The following MARCHF10 variants were observed in gnomAD, a reference collection of about 807,000 sequenced individuals.
MARCHF10 encodes the protein probable E3 ubiquitin-protein ligase MARCHF10.
In MARCHF10, 64 loss-of-function variants were observed where a neutral mutation model predicts 76.2. The ratio of observed to expected loss-of-function variants is 0.84; its 90% confidence interval spans 0.69 to 1.03. MARCHF10 has a LOEUF of 1.03. MARCHF10 is among the 50% of genes least tolerant of loss of function. MARCHF10 has a pLI of 0.00. For synonymous variants in MARCHF10, 340 were observed against 357.5 expected (o/e 0.95, Z 0.55); for missense variants, 875 against 958.0 (o/e 0.91, Z 1.14).
chr17:62,736,199 G>GA lies in MARCHF10; in HGVS notation c.1668dup (p.Pro557SerfsTer58). Reference sequence around the variant, plus strand: ...TTTAGTAAGAGATCTGTATATAGTGGAGCCCCCTGAGGCTGGCTTGTTAAA... The same window carrying GA: ...TTTAGTAAGAGATCTGTATATAGTGGAAGCCCCCTGAGGCTGGCTTGTTAAA... On this transcript the variant is annotated frameshift_variant, in exon 6 of 11. Transcript: ENST00000311269. LOFTEE classifies it high-confidence loss of function. The GA allele has an allele frequency of 6.2e-7, 1 of 1,614,190 alleles. No individual in the cohort carries two copies. Among genetic ancestry groups the GA allele is most frequent in the Non-Finnish European group, 8.5e-7 (1 of 1,180,032 alleles).
chr17:62,805,280 C>T (rs549676928), intron 1 of MARCHF10, among the ~76,000 whole-genome samples: 2 of 152,278 alleles, frequency 1.3e-5, no homozygotes, highest in African/African-American at 4.8e-5. Flanking sequence ...AATGAAGTTA[C>T]CTTTGCACTC....
chr17:62,717,221 G>A (rs1478553449), intron 8 of MARCHF10, among the ~76,000 whole-genome samples: 2 of 152,210 alleles, frequency 1.3e-5, no homozygotes, highest in African/African-American at 4.8e-5. Flanking sequence ...AGCAGGTCAT[G>A]GGGACAGTCA....
chr17:62,755,207 A>G (rs143332424), intron 4 of MARCHF10, among the ~76,000 whole-genome samples: 1 of 152,328 alleles, frequency 6.6e-6, no homozygotes, highest in East Asian at 1.9e-4. Context: ...ACAGGACTCC[A>G]TCCAGATCTG....
chr17:62,758,249 A>C (rs1415096212), intron 4 of MARCHF10, among the ~76,000 whole-genome samples: 7 of 152,126 alleles, frequency 4.6e-5, no homozygotes, highest in Admixed American at 1.3e-4. Flanking sequence ...AAAATACAAA[A>C]ATTACCCGGA....
chr17:62,793,829 TCAC>T (rs999480851), intron 2 of MARCHF10, among the ~76,000 whole-genome samples: 8 of 115,736 alleles, frequency 6.9e-5, no homozygotes, highest in Admixed American at 8.7e-5. Context: ...AACACCTCCA[TCAC>T]CACCAACACC....
At chr17:62,769,318 G>GT (rs1274663578) in intron 3 of MARCHF10, among the ~76,000 whole-genome samples, 12 of 152,308 alleles carry the variant, frequency 7.9e-5, no homozygotes, top group Non-Finnish European at 1.5e-4. Flanking sequence ...TCCCTAAGTA[G>GT]TATTTTACCC....
chr17:62,722,277 C>CAAAAAAAAAAAAA (rs57370093), intron 8 of MARCHF10, among the ~76,000 whole-genome samples: 1 of 78,962 alleles, frequency 1.3e-5, no homozygotes. Flanking sequence ...GACTCTGTCT[C>CAAAAAAAAAAAAA]AAAAAAAAAA....
intron 4 of MARCHF10, among the ~76,000 whole-genome samples, chr17:62,746,287 G>A (rs576656458): frequency 1.3e-5 from 2 of 152,304 alleles, no homozygotes; most frequent in South Asian, 2.1e-4. Context: ...TGGTGGTGTC[G>A]GAGCAACTTG....
At chr17:62,747,011 A>C (rs555649563) in intron 4 of MARCHF10, 9 of 1,476,704 alleles carry the variant, frequency 6.1e-6, no homozygotes, top group Non-Finnish European at 8.2e-6. Flanking sequence ...CAGCGTTTTT[A>C]AAAAATGGCC....
At position 62,701,718 on chromosome 17, in the gene MARCHF10, T is replaced by C. The variant is rs1388027917; in HGVS notation, c.2412A>G (p.Gln804=). ...LGDGNEGSIS[Q]SQVV ...GGCTTCCTTGCTAGACGACCTGGCT[T>C]TGAGAAATGCTGCCTTCATTTCCAT... The change falls in exon 11 of 11, where the codon CAA becomes CAG. Residue 804 remains glutamine, a synonymous_variant. Coordinates refer to ENST00000311269, the MANE Select transcript of MARCHF10 (RefSeq NM_152598.4). 5.0e-6 allele frequency: 8 copies of C among 1,614,024 alleles called. No homozygotes were observed. In the Admixed American group the frequency reaches 1.3e-4, roughly 27 times the overall value.
chr17:62,725,608 C>T (rs190618120), intron 6 of MARCHF10, among the ~76,000 whole-genome samples: 7 of 152,290 alleles, frequency 4.6e-5, no homozygotes, highest in South Asian at 2.1e-4. Context: ...ATTGTCAATA[C>T]GTGTGAGCTG....
chr17:62,779,433 T>C (rs1297573496), intron 3 of MARCHF10, among the ~76,000 whole-genome samples: 1 of 152,144 alleles, frequency 6.6e-6, no homozygotes, highest in Non-Finnish European at 1.5e-5. Flanking sequence ...CATTGACAGA[T>C]TAATGGGAGG....
intron 4 of MARCHF10, among the ~76,000 whole-genome samples, chr17:62,754,097 T>C (rs952864576): frequency 6.6e-6 from 1 of 152,064 alleles, no homozygotes; most frequent in Non-Finnish European, 1.5e-5. Context: ...TGTCGAGACA[T>C]GGTTTCACTC....
chr17:62,783,485 C>A (rs2092697701), intron 3 of MARCHF10, among the ~76,000 whole-genome samples: 1 of 151,918 alleles, frequency 6.6e-6, no homozygotes, highest in Non-Finnish European at 1.5e-5. Context: ...CAAGAGCAAA[C>A]AAATTCAAAA....
At chr17:62,720,860 A>ATT (rs56688878) in intron 8 of MARCHF10, among the ~76,000 whole-genome samples, 2,801 of 87,932 alleles carry the variant, frequency 0.032, 168 homozygotes, top group African/African-American at 0.08. Context: ...GTAAGTTGTG[A>ATT]TTTTTTTTTT....
Position 62,744,457 on chromosome 17 carries a change from A to G in MARCHF10, c.454T>C (p.Ser152Pro). 6.2e-7 allele frequency: 1 copy of G among 1,614,128 alleles called. No individual in the cohort carries two copies. The highest frequency in any genetic ancestry group is 1.1e-5 in the South Asian group (1 of 91,062). Reference protein sequence around the residue: ...NLRRFTVSPESHSPRASGDRS... With the variant: ...NLRRFTVSPEPHSPRASGDRS... ...TCCCCAGATGCTCTCGGGCTGTGCGATTCTGGGCTGACTGTAAATCTCCTC... is the reference window on the plus strand; with the variant it reads ...TCCCCAGATGCTCTCGGGCTGTGCGGTTCTGGGCTGACTGTAAATCTCCTC... The change falls in exon 5 of 11, where the codon TCG (serine) becomes CCG (proline). Residue 152 changes from serine to proline, a missense_variant. Transcript: ENST00000311269.
At chr17:62,730,843 A>T (rs1382684117) in intron 6 of MARCHF10, among the ~76,000 whole-genome samples, 1 of 152,076 alleles carries the variant, frequency 6.6e-6, no homozygotes, top group Non-Finnish European at 1.5e-5. Flanking sequence ...GCAGTGAGCC[A>T]GGATCGTGCC....
At chr17:62,753,010 T>C (rs1352671156) in intron 4 of MARCHF10, among the ~76,000 whole-genome samples, 1 of 152,220 alleles carries the variant, frequency 6.6e-6, no homozygotes, top group African/African-American at 2.4e-5. Flanking sequence ...TTAAGGCCCT[T>C]GGAGGCCTGA....
intron 1 of MARCHF10, 27 bp downstream of exon 1, chr17:62,808,050 G>A (rs1187575366): frequency 1.3e-5 from 2 of 152,198 alleles, no homozygotes; most frequent in East Asian, 3.9e-4. Flanking sequence ...AACTGGAGCG[G>A]AGCGGCGGGG....
Sources: gnomAD v4.1 joint callset for allele counts (sites outside exome capture counted in the v4.1 genomes callset) on GRCh38, gnomAD v4.1.1 for gene constraint, MANE v1.5 for transcripts, NCBI Gene and HGNC (gene_info 2026-07-23, HGNC 2026-07-21) for gene names.